Variants in TTC4 observed in about 807,000 individuals in gnomAD.
TTC4 encodes hsp70/Hsp90 co-chaperone CNS1 homolog.
A neutral mutation model predicts 51.9 loss-of-function variants in TTC4; 36 were observed. The ratio of observed to expected loss-of-function variants is 0.69; its 90% CI spans 0.53 to 0.92. The LOEUF is 0.92. Among genes scored for constraint, TTC4 ranks in the 40% least tolerant of loss-of-function variants. TTC4 has a pLI of 0.00. For missense variants in TTC4, 399 were observed against 454.6 expected (o/e 0.88, Z 1.11); for synonymous variants, 144 against 164.2 (o/e 0.88, Z 0.94).
intron 3 of TTC4, among the ~76,000 whole-genome samples, chr1:54,719,461 GGA>G (rs1376169790): frequency 5.3e-5 from 8 of 152,156 alleles, no homozygotes; most frequent in Non-Finnish European, 1.2e-4. Flanking sequence ...TGTCTTTATG[GGA>G]GAGAGAGTGG....
intron 5 of TTC4, 112 bp downstream of exon 5, chr1:54,722,911 G>GT: frequency 7.1e-7 from 1 of 1,405,940 alleles, no homozygotes; most frequent in Non-Finnish European, 9.6e-7. Context: ...CCCAAAACTA[G>GT]TCCCTACTCC....
At chr1:54,738,335 A>C (rs527324511) in intron 9 of TTC4, among the ~76,000 whole-genome samples, 109 of 152,268 alleles carry the variant, frequency 7.2e-4, no homozygotes, top group African/African-American at 2.4e-3. Flanking sequence ...GAATCATGGG[A>C]GCTACAAGAT....
intron 5 of TTC4, among the ~76,000 whole-genome samples, chr1:54,723,728 A>C (rs1432616367): frequency 6.6e-6 from 1 of 152,224 alleles, no homozygotes; most frequent in Non-Finnish European, 1.5e-5. Flanking sequence ...AGATGGTTTA[A>C]CGTAAGGAAT....
intron 5 of TTC4, among the ~76,000 whole-genome samples, chr1:54,725,682 TAAATA>T (rs1645791468): frequency 6.6e-6 from 1 of 152,222 alleles, no homozygotes; most frequent in Admixed American, 6.5e-5. Flanking sequence ...CCAGCTAATT[TAAATA>T]TCTTCTCAGA....
intron 2 of TTC4, 51 bp from the exon 3 acceptor site, chr1:54,717,441 T>G: frequency 1.4e-6 from 2 of 1,412,058 alleles, no homozygotes; most frequent in African/African-American, 1.4e-5. Flanking sequence ...CTATTTTTAA[T>G]GAGCCTTTTA....
At chr1:54,735,370 A>C (rs57811898) in intron 8 of TTC4, among the ~76,000 whole-genome samples, 18,054 of 151,924 alleles carry the variant, frequency 0.12, 1,789 homozygotes, top group African/African-American at 0.26. Flanking sequence ...AGCTACTCAG[A>C]TACCACGCCC....
chr1:54,721,092 C>T lies in TTC4; in HGVS notation c.392-71C>T. On this transcript the variant is annotated intron_variant, in intron 3 of 9. Coordinates refer to ENST00000371281, the MANE Select transcript of TTC4 (RefSeq NM_004623.5). ...CAGGATTGTACAAGAGTGTCTTTGT[C>T]ACTACATATAAAATTTTGGAAACAT... 2.8e-6 allele frequency: 4 copies of T among 1,410,408 alleles called. No homozygotes were observed. In the South Asian group the frequency reaches 3.5e-5, roughly 12 times the overall value. 87.4% of individuals were successfully genotyped at this position (1,410,408 alleles called of 1,614,324 possible).
Position 54,716,132 on chromosome 1 carries a change from C to G in TTC4, c.111+113C>G, listed in dbSNP as rs1038434279. On this transcript the variant is annotated intron_variant, in intron 1 of 9. Transcript: ENST00000371281. ...CAGATCCCTGGCGCTGCCAGCCGAT[C>G]GCTGGTTTCTAGTTGAGTATTGAAA... 7 of 855,516 alleles carry G rather than the reference C, an allele frequency of 8.2e-6. No individual in the cohort carries two copies. The African/African-American group carries it at 8.7e-5, about 11-fold the overall frequency. 53.0% of individuals were successfully genotyped at this position (855,516 alleles called of 1,614,324 possible). A position where few individuals can be genotyped will look rare whatever the true frequency, so the allele number is the denominator to read the frequency against.
chr1:54,737,903 ACT>A (rs1246769150), intron 9 of TTC4, among the ~76,000 whole-genome samples: 1 of 149,054 alleles, frequency 6.7e-6, no homozygotes, highest in Non-Finnish European at 1.5e-5. Context: ...GTGCAGGAAA[ACT>A]CCCTTTTTTT....
intron 3 of TTC4, among the ~76,000 whole-genome samples, chr1:54,718,258 A>G (rs979936599): frequency 2.0e-5 from 3 of 152,072 alleles, no homozygotes; most frequent in African/African-American, 7.2e-5. Flanking sequence ...CTGTAGTCCT[A>G]GCTACTTGGG....
At chr1:54,737,367 C>T (rs1557753827) in intron 8 of TTC4, 2 of 508,392 alleles carry the variant, frequency 3.9e-6, no homozygotes, top group East Asian at 6.9e-5. Flanking sequence ...TTCTCTGAGC[C>T]TTGATTCTGT....
intron 6 of TTC4, 88 bp downstream of exon 6, chr1:54,728,520 C>T: frequency 2.3e-6 from 3 of 1,290,672 alleles, no homozygotes; most frequent in Non-Finnish European, 2.1e-6. Flanking sequence ...GGATGCTTTA[C>T]CTGAAGGAAT....
At chr1:54,717,781 CTGAT>C in intron 3 of TTC4, 128 bp downstream of exon 3, 1 of 807,150 alleles carries the variant, frequency 1.2e-6, no homozygotes, top group Non-Finnish European at 1.8e-6. Flanking sequence ...ATAGTTTACT[CTGAT>C]TGAACTCTGG....
intron 7 of TTC4, among the ~76,000 whole-genome samples, chr1:54,732,080 C>A (rs1007026310): frequency 6.6e-6 from 1 of 151,622 alleles, no homozygotes; most frequent in Admixed American, 6.6e-5. Flanking sequence ...GCCTGTAATC[C>A]CAGCACTTTG....
chr1:54,724,154 TTCTGGG>T (rs1645774656), intron 5 of TTC4, among the ~76,000 whole-genome samples: 1 of 152,250 alleles, frequency 6.6e-6, no homozygotes, highest in South Asian at 2.1e-4. Flanking sequence ...TACAAGCTGA[TTCTGGG>T]TTCCTATGTG....
chr1:54,727,055 C>CAAAAAAAAAAAAAAAAAAAAAAA (rs56739564), intron 5 of TTC4, among the ~76,000 whole-genome samples: 1 of 102,920 alleles, frequency 9.7e-6, no homozygotes. Context: ...TCATGAAAGA[C>CAAAAAAAAAAAAAAAAAAAAAAA]AAAAAAAAAA....
intron 8 of TTC4, among the ~76,000 whole-genome samples, chr1:54,734,534 G>A (rs1645911828): frequency 6.6e-6 from 1 of 151,850 alleles, no homozygotes; most frequent in South Asian, 2.1e-4. Flanking sequence ...TTACAGGCAT[G>A]TGCCACCAAG....
At chr1:54,717,722 G>C (rs1360205694) in intron 3 of TTC4, 69 bp downstream of exon 3, 1 of 1,348,930 alleles carries the variant, frequency 7.4e-7, no homozygotes, top group Non-Finnish European at 9.7e-7. Flanking sequence ...GTGGAGGTTT[G>C]AGAACATCAG....
At chr1:54,740,122 C>T (rs111493513) in intron 9 of TTC4, among the ~76,000 whole-genome samples, 1 of 152,146 alleles carries the variant, frequency 6.6e-6, no homozygotes, top group South Asian at 2.1e-4. Context: ...CTGCAGTGAG[C>T]TATGATCACA....
Sources: allele counts gnomAD v4.1 joint callset (sites outside exome capture counted in the v4.1 genomes callset), GRCh38; gene constraint gnomAD v4.1.1; transcripts MANE v1.5; gene names NCBI Gene and HGNC (gene_info 2026-07-23, HGNC 2026-07-21).